BAZ1B: variants seen among roughly 807,000 people sequenced by gnomAD.
BAZ1B encodes tyrosine-protein kinase BAZ1B.
Under a neutral mutation model 153.8 loss-of-function variants are expected in BAZ1B, and 22 were observed. The observed-to-expected ratio is 0.14, with a 90% CI of 0.10 to 0.20. BAZ1B has a LOEUF of 0.20. Among genes scored for constraint, BAZ1B ranks in the 10% least tolerant of loss-of-function variants. The pLI is 1.00. For missense variants in BAZ1B, 1,325 were observed against 1,799.3 expected (o/e 0.74, Z 4.77); for synonymous variants, 676 against 633.4 (o/e 1.07, Z -1.01).
chr7:73,451,070 G>A, intron 13 of BAZ1B, 76 bp from the exon 14 acceptor site: 1 of 1,526,040 alleles, frequency 6.6e-7, no homozygotes, highest in Non-Finnish European at 8.9e-7. Context: ...ACAGGGGACA[G>A]TATGAGAGAA....
At chr7:73,511,819 G>C (rs1199480784) in intron 1 of BAZ1B, among the ~76,000 whole-genome samples, 1 of 149,030 alleles carries the variant, frequency 6.7e-6, no homozygotes, top group East Asian at 2.0e-4. Flanking sequence ...TCAGATGTTC[G>C]AGACCAGCCT....
chr7:73,476,474 A>G (rs1554572786), intron 7 of BAZ1B, among the ~76,000 whole-genome samples: 1 of 152,162 alleles, frequency 6.6e-6, no homozygotes, highest in Non-Finnish European at 1.5e-5. Flanking sequence ...AATCTTATCA[A>G]GCATATGAGG....
Position 73,442,813 on chromosome 7 carries a change from G to T in BAZ1B, c.4006C>A (p.Arg1336=). ...TCCAGGCTTTGCCTCCGGGAGCTCC[G>T]CTTGGTCTGAAGCACCTGGCAGGAA... The part of the protein sequence containing the change: ...EVDELVLQTK[R]SSRRQSLELQ... Residue 1336 remains arginine, a synonymous_variant, in exon 18 of 20, where the codon CGG becomes AGG. Coordinates refer to ENST00000339594, the MANE Select transcript of BAZ1B (RefSeq NM_032408.4). 1 of 1,613,646 alleles carries T rather than the reference G, an allele frequency of 6.2e-7. No individual in the cohort carries two copies. Among genetic ancestry groups the T allele is most frequent in the African/African-American group, 1.3e-5 (1 of 75,028 alleles).
At position 73,456,937 on chromosome 7, in the gene BAZ1B, C is replaced by CAA. The variant is rs71071937; in HGVS notation, c.3432+2597_3432+2598dup. Among the ~76,000 whole-genome samples, 16 of 39,582 alleles carry CAA rather than the reference C, an allele frequency of 4.0e-4. 4 individuals are homozygous for CAA. The highest frequency in any genetic ancestry group is 9.3e-4 in the Admixed American group (2 of 2,142). The allele number at this position is 39,582 out of a possible 152,430, so 26.0% of individuals were successfully genotyped here. A position where few individuals can be genotyped will look rare whatever the true frequency, so the allele number is the denominator to read the frequency against. On this transcript the variant is annotated intron_variant, in intron 13 of 19. Transcript: ENST00000339594. ...GGCCTCGGCGACAGAGACTCTGTCT[C>CAA]AAAAAAAAAAAAAAAAAAAAAAAAA...
intron 6 of BAZ1B, among the ~76,000 whole-genome samples, chr7:73,480,318 A>AT (rs1453666731): frequency 6.6e-6 from 1 of 152,166 alleles, no homozygotes; most frequent in African/African-American, 2.4e-5. Context: ...CCCATGCCTC[A>AT]TCTCCATCAT....
In BAZ1B at chr7:73,477,911, T is replaced by C. The variant is rs781977622; in HGVS notation, c.1550A>G (p.Glu517Gly). The C allele has an allele frequency of 1.9e-6, 3 of 1,614,212 alleles. No homozygotes were observed. The Admixed American group carries it at 5.0e-5, about 27-fold the overall frequency. Residue 517 changes from glutamate to glycine, a missense_variant, in exon 7 of 20, where the codon GAA becomes GGA. Glu to Gly is a moderately conservative substitution (Grantham distance 98, BLOSUM62 -2). Coordinates refer to ENST00000339594, the MANE Select transcript of BAZ1B (RefSeq NM_032408.4). The surrounding 1 kb of genome is among the most constrained non-coding windows in gnomAD (Gnocchi z 5.6). ...SSEDRARLPE[E>G]LRSLVQKRYE... ...GCGTTTTTGAACAAGACTTCGCAAT[T>C]CTTCTGGGAGACGAGCTCTATCTTC...
intron 3 of BAZ1B, among the ~76,000 whole-genome samples, chr7:73,504,005 C>T (rs1225894725): frequency 6.6e-6 from 1 of 152,184 alleles, no homozygotes; most frequent in Non-Finnish European, 1.5e-5. Context: ...AGTTCCTGTA[C>T]CCACTCCCTC....
Position 73,510,851 on chromosome 7 carries a change from C to G in BAZ1B, c.109G>C (p.Glu37Gln). 6.2e-7 allele frequency: 1 copy of G among 1,613,744 alleles called. No homozygotes were observed. The highest frequency in any genetic ancestry group is 8.5e-7 in the Non-Finnish European group (1 of 1,179,714). ...HTQEAFRTRE[E>Q]YEARLERYSE... ...TACCTTTCCAAGCGGGCTTCATACTCTCTGTTGGCAGTAGTTCAGGAAAAC... is the reference window on the plus strand; with the variant it reads ...TACCTTTCCAAGCGGGCTTCATACTGTCTGTTGGCAGTAGTTCAGGAAAAC... The change falls in exon 2 of 20, where the codon GAG becomes CAG. Residue 37 changes from glutamate (E) to glutamine (Q), a missense_variant and splice_region_variant. Coordinates refer to ENST00000339594, the MANE Select transcript of BAZ1B (RefSeq NM_032408.4).
chr7:73,498,022 C>T (rs943152419), intron 4 of BAZ1B, among the ~76,000 whole-genome samples: 9 of 150,846 alleles, frequency 6.0e-5, no homozygotes, highest in Admixed American at 2.7e-4. Flanking sequence ...TGCAATGGTG[C>T]GATCTCAGTT....
chr7:73,483,895 C>A (rs1273342528), intron 6 of BAZ1B, among the ~76,000 whole-genome samples: 9 of 152,180 alleles, frequency 5.9e-5, no homozygotes, highest in African/African-American at 2.2e-4. Context: ...CCACCTCAGC[C>A]CCTCAAACTG....
At chr7:73,478,747 T>A (rs1443843050) in intron 6 of BAZ1B, among the ~76,000 whole-genome samples, 178 bp from the exon 7 acceptor site, 1 of 152,240 alleles carries the variant, frequency 6.6e-6, no homozygotes, top group Non-Finnish European at 1.5e-5. Flanking sequence ...AATGTTTTTG[T>A]CATGTCAACA....
At chr7:73,459,402 A>AACACAC in intron 13 of BAZ1B, 134 bp downstream of exon 13, 1 of 857,624 alleles carries the variant, frequency 1.2e-6, no homozygotes, top group South Asian at 1.9e-5. Context: ...AAAAAAAAAA[A>AACACAC]ACACACACAC....
intron 9 of BAZ1B, among the ~76,000 whole-genome samples, chr7:73,467,403 T>C (rs1490577909): frequency 6.6e-6 from 1 of 152,132 alleles, no homozygotes; most frequent in Non-Finnish European, 1.5e-5. Flanking sequence ...AGAATGTTGC[T>C]CTGTCACCCA....
intron 16 of BAZ1B, among the ~76,000 whole-genome samples, chr7:73,446,153 G>A (rs1438297207): frequency 1.3e-5 from 2 of 152,216 alleles, no homozygotes; most frequent in African/African-American, 4.8e-5. Context: ...TAAGAGACTA[G>A]TCATGCCAGG....
chr7:73,498,703 A>G lies in BAZ1B; in HGVS notation c.370-5T>C, dbSNP rs782746716. 1.9e-6 allele frequency: 3 copies of G among 1,612,954 alleles called. No homozygotes were observed. In the East Asian group the frequency reaches 6.7e-5, roughly 36 times the overall value. On this transcript the variant is annotated splice_region_variant and splice_polypyrimidine_tract_variant and intron_variant, in intron 3 of 19. Coordinates refer to ENST00000339594, the MANE Select transcript of BAZ1B (RefSeq NM_032408.4). ...GAGCATTTTCTCCTTCCCAACCTAT[A>G]AAGGAGGTAGTAGAGAAAATCAGAG...
intron 2 of BAZ1B, among the ~76,000 whole-genome samples, chr7:73,509,687 G>A (rs1790496850): frequency 6.6e-6 from 1 of 151,936 alleles, no homozygotes; most frequent in Admixed American, 6.6e-5. Context: ...CTGGGCAACA[G>A]AGCGAAACTG....
At chr7:73,479,124 G>T (rs1476566864) in intron 6 of BAZ1B, among the ~76,000 whole-genome samples, 1 of 149,088 alleles carries the variant, frequency 6.7e-6, no homozygotes, top group Non-Finnish European at 1.5e-5. Context: ...AAGCATCAGT[G>T]AGTGTAAGAA....
At chr7:73,501,143 C>T (rs1790115720) in intron 3 of BAZ1B, among the ~76,000 whole-genome samples, 1 of 152,060 alleles carries the variant, frequency 6.6e-6, no homozygotes, top group Non-Finnish European at 1.5e-5. Context: ...GTAATCCCAG[C>T]TGCTCGGGAG....
intron 1 of BAZ1B, among the ~76,000 whole-genome samples, chr7:73,516,864 G>A (rs1261212397): frequency 6.9e-6 from 1 of 145,978 alleles, no homozygotes; most frequent in Non-Finnish European, 1.5e-5. Flanking sequence ...AACTGTTCTG[G>A]TAACTGTTCT....
Sources: gnomAD v4.1 joint callset for allele counts (sites outside exome capture counted in the v4.1 genomes callset) on GRCh38, gnomAD v4.1.1 for gene constraint, Gnocchi (gnomAD v3.1) non-coding constraint, MANE v1.5 for transcripts, NCBI Gene and HGNC (gene_info 2026-07-23, HGNC 2026-07-21) for gene names.